Variants in IL33 observed in about 807,000 individuals in gnomAD.
The protein encoded by IL33 is interleukin-33.
Under a neutral mutation model 27.3 loss-of-function variants are expected in IL33, and 37 were observed. The observed-to-expected ratio is 1.36, with a 90% confidence interval of 1.04 to 1.78. IL33 has a LOEUF of 1.78. Ranked by LOEUF, IL33 falls within the 40% of genes most tolerant of loss-of-function variation. The pLI is 0.00. For synonymous variants in IL33, 132 were observed against 102.9 expected, an observed-to-expected ratio of 1.28 and a Z score of -1.71; for missense variants, 406 against 311.4, an observed-to-expected ratio of 1.30 and a Z score of -2.29.
rs183990012 is a variant in IL33 at position 6,226,138 on chromosome 9, G to A, written c.-12+10286G>A. 5.3e-3 allele frequency among the ~76,000 whole-genome samples: 807 copies of A among 152,014 alleles called. 3 individuals are homozygous for A. The highest frequency in any genetic ancestry group is 0.018 in the African/African-American group (756 of 41,474). ...TCCTCCCACCTCAGCCTCCCCACCA[G>A]CTGGGACTACAGGTGTGTGCCACCA... On this transcript the variant is annotated intron_variant, in intron 1 of 7. Transcript: ENST00000682010.
intron 4 of IL33, among the ~76,000 whole-genome samples, chr9:6,251,913 A>G (rs1277932107): frequency 1.3e-5 from 2 of 151,568 alleles, no homozygotes; most frequent in African/African-American, 2.4e-5. Context: ...GGTGATGTGC[A>G]CCCGTAATTC....
At chr9:6,253,914 T>C (rs1319746779) in intron 6 of IL33, among the ~76,000 whole-genome samples, 4 of 152,212 alleles carry the variant, frequency 2.6e-5, no homozygotes, top group Non-Finnish European at 5.9e-5. Flanking sequence ...CATCTCCTTC[T>C]ATCTTGTGGT....
At chr9:6,237,526 T>G (rs1218697170) in intron 1 of IL33, among the ~76,000 whole-genome samples, 1 of 152,166 alleles carries the variant, frequency 6.6e-6, no homozygotes, top group Non-Finnish European at 1.5e-5. Flanking sequence ...TTCTTCCAAG[T>G]GCGTTCTCTC....
chr9:6,237,835 A>T (rs927590845), intron 1 of IL33, among the ~76,000 whole-genome samples: 1 of 152,208 alleles, frequency 6.6e-6, no homozygotes, highest in Non-Finnish European at 1.5e-5. Flanking sequence ...AGAAGAGAAA[A>T]CAAACAACGT....
intron 1 of IL33, among the ~76,000 whole-genome samples, chr9:6,216,825 G>A (rs551729964): frequency 6.6e-6 from 1 of 152,306 alleles, no homozygotes; most frequent in Admixed American, 6.5e-5. Context: ...GAAGTAGTTT[G>A]GAATTGTTCT....
chr9:6,227,215 T>A (rs1347490983), intron 1 of IL33, among the ~76,000 whole-genome samples: 2 of 152,222 alleles, frequency 1.3e-5, no homozygotes, highest in African/African-American at 4.8e-5. Flanking sequence ...AGTCCAGGTT[T>A]ATGCAGCAGT....
chr9:6,251,081 AG>A (rs1173109379), intron 3 of IL33, 58 bp from the exon 4 acceptor site: 1 of 1,583,082 alleles, frequency 6.3e-7, no homozygotes, highest in Non-Finnish European at 8.6e-7. Context: ...GAATCCTCAA[AG>A]GGGCATTTGT....
intron 1 of IL33, among the ~76,000 whole-genome samples, chr9:6,229,666 A>T (rs1222056431): frequency 6.6e-6 from 1 of 152,136 alleles, no homozygotes; most frequent in East Asian, 1.9e-4. Context: ...TGCCTTACTT[A>T]GTTTATAGGG....
At chr9:6,245,400 T>C (rs1286573422) in intron 2 of IL33, among the ~76,000 whole-genome samples, 3 of 152,200 alleles carry the variant, frequency 2.0e-5, no homozygotes, top group Admixed American at 6.5e-5. Flanking sequence ...TTTGAGTCTA[T>C]CCATAGAAGA....
intron 6 of IL33, among the ~76,000 whole-genome samples, chr9:6,254,073 T>G (rs1434859878): frequency 6.6e-6 from 1 of 152,152 alleles, no homozygotes; most frequent in East Asian, 1.9e-4. Flanking sequence ...CTCACATTGG[T>G]CAGAACTCAG....
chr9:6,251,529 G>A (rs1216839984), intron 4 of IL33, among the ~76,000 whole-genome samples: 1 of 152,006 alleles, frequency 6.6e-6, no homozygotes, highest in Non-Finnish European at 1.5e-5. Flanking sequence ...ATGGTCATTA[G>A]TTTTGGTGAA....
chr9:6,252,068 C>CAAAAAAAAAA (rs1564073279), intron 4 of IL33, among the ~76,000 whole-genome samples: 1 of 74,846 alleles, frequency 1.3e-5, no homozygotes, highest in African/African-American at 5.6e-5. Context: ...AAAAAAAACC[C>CAAAAAAAAAA]AACAAAAAAC....
At chr9:6,218,148 C>T (rs967723861) in intron 1 of IL33, among the ~76,000 whole-genome samples, 1 of 152,176 alleles carries the variant, frequency 6.6e-6, no homozygotes, top group African/African-American at 2.4e-5. Context: ...CTAGCACAAG[C>T]ATCGCACTTT....
intron 1 of IL33, among the ~76,000 whole-genome samples, chr9:6,226,827 T>C (rs897731061): frequency 3.9e-5 from 6 of 152,224 alleles, no homozygotes; most frequent in Admixed American, 3.9e-4. Flanking sequence ...CACCATGGTG[T>C]CTGGTATTCT....
At chr9:6,230,782 C>G (rs545512804) in intron 1 of IL33, among the ~76,000 whole-genome samples, 1 of 152,276 alleles carries the variant, frequency 6.6e-6, no homozygotes, top group East Asian at 1.9e-4. Flanking sequence ...CCAAGCTTGA[C>G]AAGGAGATGA....
At chr9:6,222,688 G>A (rs2130107398) in intron 1 of IL33, among the ~76,000 whole-genome samples, 1 of 152,276 alleles carries the variant, frequency 6.6e-6, no homozygotes, top group East Asian at 1.9e-4. Context: ...TTAGCACATG[G>A]AATCCCCTTT....
chr9:6,253,519 C>T (rs770987973), intron 5 of IL33, 33 bp from the exon 6 acceptor site: 15 of 1,529,698 alleles, frequency 9.8e-6, no homozygotes, highest in Non-Finnish European at 1.3e-5. Context: ...AAAATTGTGT[C>T]TCACCAGAGG....
chr9:6,233,677 A>C (rs1819039056), intron 1 of IL33, among the ~76,000 whole-genome samples: 1 of 152,180 alleles, frequency 6.6e-6, no homozygotes, highest in South Asian at 2.1e-4. Context: ...TAAATTATGA[A>C]ATTATTATGG....
intron 1 of IL33, among the ~76,000 whole-genome samples, chr9:6,220,814 C>G (rs1818378965): frequency 6.6e-6 from 1 of 152,060 alleles, no homozygotes; most frequent in Non-Finnish European, 1.5e-5. Context: ...AGAGCAGTAG[C>G]TCGATCACAA....
Sources: gnomAD v4.1 joint callset for allele counts (sites outside exome capture counted in the v4.1 genomes callset) on GRCh38, gnomAD v4.1.1 for gene constraint, MANE v1.5 for transcripts, NCBI Gene and HGNC (gene_info 2026-07-23, HGNC 2026-07-21) for gene names.